Variants in TNFSF4 observed in about 807,000 individuals in gnomAD.
The protein encoded by TNFSF4 is tumor necrosis factor ligand superfamily member 4.
TNFSF4 carries 4 observed loss-of-function variants against 7.3 expected under a neutral mutation model. The observed-to-expected ratio is 0.55, with a 90% CI of 0.27 to 1.25. The LOEUF (loss-of-function observed/expected upper bound fraction) is 1.25, where lower values mean the gene tolerates loss of function less well. TNFSF4 is among the 50% of genes most tolerant of loss of function. The pLI, the probability that TNFSF4 is intolerant of heterozygous loss-of-function variation, is 0.12. For missense variants in TNFSF4, 181 were observed against 208.8 expected, an observed-to-expected ratio of 0.87 and a Z score of 0.82; for synonymous variants, 76 against 83.7, an observed-to-expected ratio of 0.91 and a Z score of 0.50.
chr1:173,180,542 A>G (rs1268111251), downstream of TNFSF4, among the ~76,000 whole-genome samples: 1 of 152,178 alleles, frequency 6.6e-6, no homozygotes, highest in East Asian at 1.9e-4. Flanking sequence ...TTCATAGATA[A>G]AATTATTTTA....
At chr1:173,240,488 A>G in the TNFSF4 span, among the ~76,000 whole-genome samples, 1 of 152,166 alleles carries the variant, frequency 6.6e-6, no homozygotes, top group African/African-American at 2.4e-5. Flanking sequence ...TCAATATTAT[A>G]TTTCTGAGGT....
chr1:173,205,647 G>A (rs1650155907), intron 1 of TNFSF4: 2 of 977,592 alleles, frequency 2.0e-6, no homozygotes, highest in Non-Finnish European at 2.5e-6. Context: ...GCACTCAGCT[G>A]TTCTATATTT....
chr1:173,182,347 A>G (rs1029205126), downstream of TNFSF4, among the ~76,000 whole-genome samples: 2 of 152,226 alleles, frequency 1.3e-5, no homozygotes, highest in Non-Finnish European at 2.9e-5. Flanking sequence ...CAAAGAGGAT[A>G]GAATGTTCTA....
At chr1:173,381,872 T>C in the TNFSF4 span, among the ~76,000 whole-genome samples, 2,777 of 152,228 alleles carry the variant, frequency 0.018, 35 homozygotes, top group Non-Finnish European at 0.028. Context: ...AGTTTGTAAA[T>C]GCACCAAGCA....
At chr1:173,326,767 A>G in the TNFSF4 span, among the ~76,000 whole-genome samples, 2 of 152,186 alleles carry the variant, frequency 1.3e-5, no homozygotes, top group East Asian at 3.8e-4. Flanking sequence ...CCCATTCACA[A>G]TTGCTTCAAA....
At chr1:173,233,501 A>G in the TNFSF4 span, among the ~76,000 whole-genome samples, 1 of 152,214 alleles carries the variant, frequency 6.6e-6, no homozygotes, top group African/African-American at 2.4e-5. Context: ...ACTCCTCGAG[A>G]AAAGCAACTC....
chr1:173,224,749 T>C, the TNFSF4 span, among the ~76,000 whole-genome samples: 3 of 152,186 alleles, frequency 2.0e-5, no homozygotes, highest in African/African-American at 7.2e-5. Flanking sequence ...TGAAGAGTAA[T>C]GCAATTAAAC....
chr1:173,371,867 A>C, the TNFSF4 span, among the ~76,000 whole-genome samples: 2 of 152,200 alleles, frequency 1.3e-5, no homozygotes, highest in Admixed American at 6.5e-5. Flanking sequence ...AGGATCCCAC[A>C]GACCACACGT....
At chr1:173,387,190 A>T in the TNFSF4 span, among the ~76,000 whole-genome samples, 1 of 152,238 alleles carries the variant, frequency 6.6e-6, no homozygotes, top group Non-Finnish European at 1.5e-5. Context: ...CAGCAATGAA[A>T]TGCTGTGATT....
the TNFSF4 span, among the ~76,000 whole-genome samples, chr1:173,385,292 T>C: frequency 1.1e-4 from 17 of 152,228 alleles, no homozygotes; most frequent in Admixed American, 1.3e-4. Flanking sequence ...ATTGTTTTCA[T>C]AACAAGGGCA....
the TNFSF4 span, among the ~76,000 whole-genome samples, chr1:173,304,294 T>C: frequency 3.3e-5 from 5 of 151,920 alleles, no homozygotes; most frequent in East Asian, 1.9e-4. Context: ...CAATCTCATA[T>C]CATGGCAGTG....
the TNFSF4 span, among the ~76,000 whole-genome samples, chr1:173,276,196 T>C: frequency 6.6e-6 from 1 of 152,168 alleles, no homozygotes; most frequent in Admixed American, 6.6e-5. Flanking sequence ...ACCGGTGACA[T>C]TGTTTTATGA....
the TNFSF4 span, among the ~76,000 whole-genome samples, chr1:173,248,456 GAGAA>G: frequency 1.8e-3 from 269 of 145,928 alleles, 8 homozygotes; most frequent in East Asian, 0.049. Flanking sequence ...AAGAGAGAGG[GAGAA>G]AGAAAGAAAA....
the TNFSF4 span, among the ~76,000 whole-genome samples, chr1:173,215,916 T>C: frequency 6.6e-6 from 1 of 152,188 alleles, no homozygotes; most frequent in Admixed American, 6.5e-5. Flanking sequence ...CTGTGGTCTG[T>C]GTCCACAAAT....
At chr1:173,296,711 G>A in the TNFSF4 span, among the ~76,000 whole-genome samples, 14 of 152,014 alleles carry the variant, frequency 9.2e-5, no homozygotes, top group Non-Finnish European at 1.9e-4. Flanking sequence ...ACATGGGTAG[G>A]CAGGAAAAAT....
the TNFSF4 span, among the ~76,000 whole-genome samples, chr1:173,318,380 T>C: frequency 6.6e-6 from 1 of 152,162 alleles, no homozygotes; most frequent in Non-Finnish European, 1.5e-5. Context: ...TTTAAAACAA[T>C]AGAAAACTCA....
chr1:173,445,251 CA>C, the TNFSF4 span, among the ~76,000 whole-genome samples: 2 of 152,200 alleles, frequency 1.3e-5, no homozygotes, highest in Non-Finnish European at 2.9e-5. Flanking sequence ...GAAGAGAAGT[CA>C]AAAACTGAAA....
the TNFSF4 span, among the ~76,000 whole-genome samples, chr1:173,449,448 G>C: frequency 6.6e-5 from 10 of 151,084 alleles, no homozygotes; most frequent in Admixed American, 5.3e-4. Context: ...CCATCTTCCT[G>C]GCTCAAAGAA....
chr1:173,177,582 T>G, the TNFSF4 span, among the ~76,000 whole-genome samples: 16,090 of 152,158 alleles, frequency 0.11, 1,010 homozygotes, highest in Admixed American at 0.16. Context: ...CCCCTGAACC[T>G]AAAATAAATT....
Sources: allele counts gnomAD v4.1 joint callset (sites outside exome capture counted in the v4.1 genomes callset), GRCh38; gene constraint gnomAD v4.1.1; transcripts MANE v1.5; gene names NCBI Gene and HGNC (gene_info 2026-07-23, HGNC 2026-07-21).